Variants in VPS13C observed in about 807,000 individuals in gnomAD.
VPS13C encodes the protein vacuolar protein sorting 13 homolog C.
In VPS13C, 358 loss-of-function variants were observed where a neutral mutation model predicts 456.8. The observed-to-expected ratio is 0.78, with a 90% CI of 0.72 to 0.86. The LOEUF is 0.86. VPS13C is among the 40% of genes least tolerant of loss of function. The pLI is 0.00. For synonymous variants in VPS13C, 1,578 were observed against 1,486.7 expected, an observed-to-expected ratio of 1.06 and a Z score of -1.41; for missense variants, 4,818 against 4,385.4, an observed-to-expected ratio of 1.10 and a Z score of -2.79.
rs1048606465 is a variant in VPS13C at position 62,044,230 on chromosome 15, C to T, written c.126G>A (p.Gln42=). 1 of 1,483,198 alleles carries T rather than the reference C, an allele frequency of 6.7e-7. No homozygotes were observed. The highest frequency in any genetic ancestry group is 1.9e-5 in the Admixed American group (1 of 52,884). 91.9% of individuals were successfully genotyped at this position (1,483,198 alleles called of 1,614,324 possible). A position where few individuals can be genotyped will look rare whatever the true frequency, so the allele number is the denominator to read the frequency against. The change falls in exon 2 of 85, where the codon CAG becomes CAA. Residue 42 remains glutamine, a synonymous_variant. Coordinates refer to ENST00000644861, the MANE Select transcript of VPS13C (RefSeq NM_020821.3). ...AACTTACCAGGGCATTTTCTTTTAT[C>T]TGTAGATTATCTAAAGCCACATTTC... ...WGGNVALDNL[Q]IKENALSELD... is the part of the protein sequence containing the mutation.
chr15:61,915,056 G>A (rs56199662), intron 61 of VPS13C, among the ~76,000 whole-genome samples: 1 of 151,984 alleles, frequency 6.6e-6, no homozygotes, highest in Non-Finnish European at 1.5e-5. Flanking sequence ...ATGAACAGCA[G>A]ATATCAGGAA....
chr15:62,015,795 A>T (rs1321699561), intron 9 of VPS13C, among the ~76,000 whole-genome samples: 3 of 46,484 alleles, frequency 6.5e-5, no homozygotes, highest in African/African-American at 8.1e-5. Flanking sequence ...GGGAGGGGGG[A>T]GGGGGGAGGG....
At chr15:61,990,804 C>A (rs1314133251) in intron 18 of VPS13C, among the ~76,000 whole-genome samples, 196 bp downstream of exon 18, 2 of 151,968 alleles carry the variant, frequency 1.3e-5, no homozygotes, top group African/African-American at 4.8e-5. Context: ...GAGCGAGACT[C>A]CATCTCAAAA....
chr15:61,941,241 G>A (rs1288529058), intron 46 of VPS13C, among the ~76,000 whole-genome samples: 1 of 152,068 alleles, frequency 6.6e-6, no homozygotes, highest in Non-Finnish European at 1.5e-5. Context: ...ACGAACATAC[G>A]GTAATAGTCA....
rs144872114 is a variant in VPS13C, at chr15:61,917,512, T to G, written c.7884A>C (p.Pro2628=). Residue 2628 remains proline, a synonymous_variant, in exon 60 of 85, where the codon CCA becomes CCC. Coordinates refer to ENST00000644861, the MANE Select transcript of VPS13C (RefSeq NM_020821.3). ...GAGGTAAGAAGCTGACTTCTACTGA[T>G]GGACACTGCAACATGCATCTGACTT... ...SREVRCMLQC[P]SVEVSFLPLI... The G allele has an allele frequency of 1.2e-5, 19 of 1,613,952 alleles. No individual in the cohort carries two copies. The African/African-American group carries it at 2.5e-4, about 22-fold the overall frequency.
intron 45 of VPS13C, among the ~76,000 whole-genome samples, chr15:61,945,291 A>G (rs2044565844): frequency 6.6e-6 from 1 of 152,254 alleles, no homozygotes; most frequent in African/African-American, 2.4e-5. Flanking sequence ...GAAATAAGTA[A>G]TAAAAAGAAA....
At chr15:61,979,134 A>G (rs2045798368) in intron 22 of VPS13C, among the ~76,000 whole-genome samples, 1 of 152,116 alleles carries the variant, frequency 6.6e-6, no homozygotes, top group East Asian at 1.9e-4. Context: ...TCTCCGCACT[A>G]TACCACAGGA....
At position 61,927,307 on chromosome 15, in the gene VPS13C, T is replaced by C; in HGVS notation, c.6300A>G (p.Arg2100=). The C allele has an allele frequency of 1.9e-6, 3 of 1,613,552 alleles. No homozygotes were observed. Among genetic ancestry groups the C allele is most frequent in the Middle Eastern group, 1.7e-4 (1 of 6,056 alleles). Residue 2100 remains arginine (R), a synonymous_variant, in exon 52 of 85, where the codon AGA becomes AGG. Transcript: ENST00000644861. The part of the protein sequence containing the change: ...KVKIEKDDSV[R]PNMTLKAMIT... ...TCATGGCCTTTAAAGTCATATTTGG[T>C]CTAACAGAGTCATCTGAAGAAACAA...
At chr15:61,968,266 G>A (rs2045440107) in intron 28 of VPS13C, among the ~76,000 whole-genome samples, 1 of 151,304 alleles carries the variant, frequency 6.6e-6, no homozygotes, top group Non-Finnish European at 1.5e-5. Context: ...ACTTCAGATT[G>A]AAATATTAAA....
At chr15:61,989,688 T>C (rs892769006) in intron 18 of VPS13C, among the ~76,000 whole-genome samples, 1 of 152,150 alleles carries the variant, frequency 6.6e-6, no homozygotes, top group Non-Finnish European at 1.5e-5. Context: ...ATCCAGGAAA[T>C]GCAAATTAAA....
chr15:61,929,590 T>G lies in VPS13C; in HGVS notation c.6197A>C (p.Lys2066Thr), dbSNP rs978396568. 1 of 1,613,994 alleles carries G rather than the reference T, an allele frequency of 6.2e-7. No homozygotes were observed. Among genetic ancestry groups the G allele is most frequent in the Non-Finnish European group, 8.5e-7 (1 of 1,180,002 alleles). ...ATTTTCTGGACTCTGAGGCACAGCT[T>G]TGATAAAGAAATCTGCCACAGTCAT... is the stretch of plus-strand genomic sequence containing the variant. ...FLMTVADFFI[K>T]AVPQSPENVA... is the part of the protein sequence containing the mutation. The change falls in exon 51 of 85, where the codon AAA (lysine) becomes ACA (threonine). Residue 2066 changes from lysine (K) to threonine (T), a missense_variant. This residue lies in a region of VPS13C where 4,552 missense variants were observed against 4,130.6 expected (regional missense o/e 1.10). Transcript: ENST00000644861.
intron 15 of VPS13C, among the ~76,000 whole-genome samples, chr15:62,001,226 T>G (rs1419878978): frequency 1.3e-5 from 2 of 152,222 alleles, no homozygotes; most frequent in African/African-American, 4.8e-5. Flanking sequence ...ACGAGAACAC[T>G]AGACCTGAGA....
intron 41 of VPS13C, among the ~76,000 whole-genome samples, chr15:61,950,017 G>A (rs1279460962): frequency 1.3e-5 from 2 of 152,072 alleles, no homozygotes; most frequent in African/African-American, 4.8e-5. Context: ...TAATCCTAAC[G>A]CCAATACATA....
rs1416919946 is a variant in VPS13C, at chr15:61,858,319, T to C, written c.10953-1910A>G. Among the ~76,000 whole-genome samples the C allele has an allele frequency of 5.7e-3, 93 of 16,226 alleles. No homozygotes were observed. Among genetic ancestry groups the C allele is most frequent in the African/African-American group, 0.012 (92 of 7,644 alleles). The allele number at this position is 16,226 out of a possible 152,430, so 10.6% of individuals were successfully genotyped here. ...TCGAGATTTTTATCCAAACTCCAAC[T>C]ATCTATCTATCTATCTATCTATCTA... On this transcript the variant is annotated intron_variant, in intron 82 of 84. Coordinates refer to ENST00000644861, the MANE Select transcript of VPS13C (RefSeq NM_020821.3). The surrounding 1 kb of genome is among the most constrained non-coding windows in gnomAD (Gnocchi z 4.4).
intron 1 of VPS13C, among the ~76,000 whole-genome samples, chr15:62,051,432 A>C (rs762778915): frequency 2.6e-5 from 4 of 152,230 alleles, no homozygotes; most frequent in Non-Finnish European, 5.9e-5. Context: ...AGAGAGGTTA[A>C]ATGACTAGCC....
At position 61,949,442 on chromosome 15, in the gene VPS13C, C is replaced by A; in HGVS notation, c.4759+1G>T. 1 of 1,603,496 alleles carries A rather than the reference C, an allele frequency of 6.2e-7. No homozygotes were observed. The highest frequency in any genetic ancestry group is 8.5e-7 in the Non-Finnish European group (1 of 1,177,568). On this transcript the variant is annotated splice_donor_variant, in intron 42 of 84. Coordinates refer to ENST00000644861, the MANE Select transcript of VPS13C (RefSeq NM_020821.3). LOFTEE classifies it high-confidence loss of function. ...TTAGATCATAATTCAAAAATTATTA[C>A]CAGCTTTGACAGCGATACTTCTGGA...
chr15:62,005,552 C>CTACAATAACAT lies in VPS13C; in HGVS notation c.1290+1755_1290+1756insATGTTATTGTA, dbSNP rs532347001. On this transcript the variant is annotated intron_variant, in intron 15 of 84. Coordinates refer to ENST00000644861, the MANE Select transcript of VPS13C (RefSeq NM_020821.3). ...AATATTGTTATGTGTGAATTTGATC[C>CTACAATAACAT]TGTCATTACGATGTTAGCTGGTGAT... Among the ~76,000 whole-genome samples, 1,201 of 151,324 alleles carry CTACAATAACAT rather than the reference C, an allele frequency of 7.9e-3. 10 individuals carry two copies. The highest frequency in any genetic ancestry group is 0.028 in the African/African-American group (1,157 of 41,176).
chr15:61,915,424 T>C (rs1173136069), intron 61 of VPS13C, among the ~76,000 whole-genome samples: 1 of 152,156 alleles, frequency 6.6e-6, no homozygotes, highest in East Asian at 1.9e-4. Context: ...GGTAACTCTA[T>C]AGGCATTGGA....
chr15:61,975,222 T>C (rs2045669540), intron 24 of VPS13C, among the ~76,000 whole-genome samples: 1 of 151,680 alleles, frequency 6.6e-6, no homozygotes, highest in Non-Finnish European at 1.5e-5. Context: ...CTTAAGAAAC[T>C]AGGACTGAAA....
Sources: allele counts gnomAD v4.1 joint callset (sites outside exome capture counted in the v4.1 genomes callset), GRCh38; gene constraint gnomAD v4.1.1; regional missense constraint gnomAD v4.1.1; non-coding constraint Gnocchi (gnomAD v3.1); transcripts MANE v1.5; gene names NCBI Gene and HGNC (gene_info 2026-07-23, HGNC 2026-07-21).